The following MON2 variants were observed in gnomAD, a reference collection of about 807,000 sequenced individuals.
MON2 encodes MON2 regulator of endosome-to-Golgi trafficking, also known as protein MON2 homolog.
MON2 carries 84 observed loss-of-function variants against 208.6 expected under a neutral mutation model. The ratio of observed to expected loss-of-function variants is 0.40; its 90% CI spans 0.34 to 0.48. MON2 has a LOEUF of 0.48. Among genes scored for constraint, MON2 ranks in the 20% least tolerant of loss-of-function variants. The probability of loss-of-function intolerance (pLI) is 0.59; values close to 1 mark genes in which losing one functional copy is unlikely to be tolerated. For missense variants in MON2, 1,611 were observed against 2,015.4 expected (o/e 0.80, Z 3.84); for synonymous variants, 660 against 694.0 (o/e 0.95, Z 0.77).
intron 11 of MON2, among the ~76,000 whole-genome samples, chr12:62,530,549 G>T (rs1028281765): frequency 6.6e-6 from 1 of 152,014 alleles, no homozygotes; most frequent in Non-Finnish European, 1.5e-5. Context: ...TGTTTTGAAG[G>T]TTCATCTGTG....
At chr12:62,479,499 C>T (rs868587676) in intron 1 of MON2, among the ~76,000 whole-genome samples, 2 of 134,772 alleles carry the variant, frequency 1.5e-5, no homozygotes, top group East Asian at 2.6e-4. Context: ...CCAGTGGATA[C>T]GGAGGCCTGG....
intron 8 of MON2, among the ~76,000 whole-genome samples, chr12:62,519,382 A>G (rs2071880827): frequency 6.6e-6 from 1 of 152,148 alleles, no homozygotes; most frequent in Non-Finnish European, 1.5e-5. Context: ...AGGTATCAGG[A>G]CCCAAAATAA....
chr12:62,571,688 G>T, intron 30 of MON2, 106 bp downstream of exon 30: 1 of 949,200 alleles, frequency 1.1e-6, no homozygotes, highest in Non-Finnish European at 1.5e-6. Context: ...TGATTATAAA[G>T]GTTGCTAGAT....
At chr12:62,539,783 G>A (rs1223023166) in intron 19 of MON2, among the ~76,000 whole-genome samples, 1 of 151,948 alleles carries the variant, frequency 6.6e-6, no homozygotes, top group Non-Finnish European at 1.5e-5. Context: ...GCAGGAGGCC[G>A]AGGCAGGCAG....
At chr12:62,582,390 C>T (rs1488489616) in intron 32 of MON2, among the ~76,000 whole-genome samples, 3 of 152,190 alleles carry the variant, frequency 2.0e-5, no homozygotes, top group South Asian at 2.1e-4. Flanking sequence ...GGAAGCTTCA[C>T]GTGAGAGTCC....
intron 8 of MON2, among the ~76,000 whole-genome samples, chr12:62,522,139 A>C (rs1218890715): frequency 6.6e-6 from 1 of 152,170 alleles, no homozygotes; most frequent in African/African-American, 2.4e-5. Flanking sequence ...GTGAGCCAAG[A>C]CTGAGCCACT....
At chr12:62,471,427 G>C (rs779989501) in intron 1 of MON2, among the ~76,000 whole-genome samples, 1 of 152,176 alleles carries the variant, frequency 6.6e-6, no homozygotes, top group Non-Finnish European at 1.5e-5. Context: ...AAGGTGATCT[G>C]CCCGCCTCGG....
At chr12:62,514,892 C>T (rs1423223131) in intron 8 of MON2, among the ~76,000 whole-genome samples, 1 of 152,204 alleles carries the variant, frequency 6.6e-6, no homozygotes, top group Non-Finnish European at 1.5e-5. Context: ...TGCTCAACAT[C>T]TCCAATCATT....
chr12:62,573,295 A>G (rs995124912), intron 30 of MON2, among the ~76,000 whole-genome samples: 2 of 152,176 alleles, frequency 1.3e-5, no homozygotes, highest in Non-Finnish European at 2.9e-5. Flanking sequence ...AATTTGTATC[A>G]AGCACATAGG....
chr12:62,532,733 GTAGTCTTTA>G, intron 12 of MON2, 63 bp downstream of exon 12: 1 of 1,287,920 alleles, frequency 7.8e-7, no homozygotes, highest in Non-Finnish European at 1.1e-6. Context: ...TGCAAAAATT[GTAGTCTTTA>G]TAAATCTTTC....
chr12:62,564,740 T>C (rs555171535), intron 26 of MON2, among the ~76,000 whole-genome samples: 1 of 152,310 alleles, frequency 6.6e-6, no homozygotes, highest in Non-Finnish European at 1.5e-5. Flanking sequence ...TCCATACATT[T>C]CTTTTAGAAA....
intron 4 of MON2, among the ~76,000 whole-genome samples, 155 bp from the exon 5 acceptor site, chr12:62,498,764 T>G (rs2070678439): frequency 6.6e-6 from 1 of 152,236 alleles, no homozygotes. Context: ...TACTGACAAC[T>G]TGGATTACAT....
chr12:62,527,845 GAAA>G (rs77099981), intron 11 of MON2, among the ~76,000 whole-genome samples: 1 of 130,394 alleles, frequency 7.7e-6, no homozygotes, highest in Non-Finnish European at 1.7e-5. Context: ...CTTGAGGAAG[GAAA>G]AAAAAAAAAA....
At chr12:62,517,997 C>T (rs1233827786) in intron 8 of MON2, among the ~76,000 whole-genome samples, 3 of 152,152 alleles carry the variant, frequency 2.0e-5, no homozygotes, top group Non-Finnish European at 4.4e-5. Context: ...AACTGTGTAG[C>T]TTAAATCTCA....
At position 62,596,719 on chromosome 12, in the gene MON2, T is replaced by C. The variant is rs956448051; in HGVS notation, c.*3970T>C. ...AGTGGGAAAAGTCTTTAATACTTCA[T>C]GATCACTTGAATTAAAGTTTTTGTA... On this transcript the variant is annotated 3_prime_UTR_variant, in exon 35 of 35. Coordinates refer to ENST00000393630, the MANE Select transcript of MON2 (RefSeq NM_015026.3). 2 of 152,252 alleles carry C rather than the reference T, an allele frequency of 1.3e-5. No homozygotes were observed. The highest frequency in any genetic ancestry group is 4.8e-5 in the African/African-American group (2 of 41,466). 9.4% of individuals were successfully genotyped at this position (152,252 alleles called of 1,614,324 possible).
intron 23 of MON2, among the ~76,000 whole-genome samples, chr12:62,551,202 C>T (rs559256983): frequency 4.4e-4 from 67 of 152,198 alleles, no homozygotes; most frequent in African/African-American, 1.5e-3. Context: ...TCTTGATTTT[C>T]GACATGCCTT....
At chr12:62,493,083 A>G (rs1201692786) in intron 2 of MON2, among the ~76,000 whole-genome samples, 1 of 152,178 alleles carries the variant, frequency 6.6e-6, no homozygotes, top group Non-Finnish European at 1.5e-5. Flanking sequence ...TATGAGTTTA[A>G]TGTTCTCTTG....
chr12:62,540,579 G>A (rs982745670), intron 19 of MON2, among the ~76,000 whole-genome samples: 5 of 152,122 alleles, frequency 3.3e-5, no homozygotes, highest in Non-Finnish European at 5.9e-5. Context: ...TTAACTTTCA[G>A]TAGTGCAATT....
At chr12:62,534,563 A>G (rs2072870218) in intron 12 of MON2, among the ~76,000 whole-genome samples, 2 of 121,476 alleles carry the variant, frequency 1.6e-5, no homozygotes, top group Admixed American at 1.7e-4. Flanking sequence ...ATATATATAT[A>G]TATATTTTAT....
Sources: gnomAD v4.1 joint callset for allele counts (sites outside exome capture counted in the v4.1 genomes callset) on GRCh38, gnomAD v4.1.1 for gene constraint, MANE v1.5 for transcripts, NCBI Gene and HGNC (gene_info 2026-07-23, HGNC 2026-07-21) for gene names.